Variants in ARHGAP15 observed in about 807,000 individuals in gnomAD.
The protein encoded by ARHGAP15 is rho GTPase-activating protein 15.
A neutral mutation model predicts 63.7 loss-of-function variants in ARHGAP15; 51 were observed. That is an observed-to-expected ratio of 0.80 (90% CI 0.64 to 1.01). The LOEUF (loss-of-function observed/expected upper bound fraction) is 1.01, where lower values mean the gene tolerates loss of function less well. Ranked by LOEUF, ARHGAP15 falls within the 50% of genes least tolerant of loss-of-function variation. ARHGAP15 has a pLI of 0.00. For missense variants in ARHGAP15, 560 were observed against 564.6 expected, an observed-to-expected ratio of 0.99 and a Z score of 0.08; for synonymous variants, 191 against 193.8, an observed-to-expected ratio of 0.99 and a Z score of 0.12.
chr2:143,617,051 A>G (rs1350369820), intron 11 of ARHGAP15, among the ~76,000 whole-genome samples: 1 of 152,216 alleles, frequency 6.6e-6, no homozygotes, highest in Non-Finnish European at 1.5e-5. Flanking sequence ...TCTGGAGACC[A>G]CACTGGAGAG....
intron 6 of ARHGAP15, among the ~76,000 whole-genome samples, chr2:143,282,187 C>T (rs1449123717): frequency 6.6e-6 from 1 of 151,836 alleles, no homozygotes; most frequent in African/African-American, 2.4e-5. Flanking sequence ...TTAATCTGCC[C>T]TCGTATGGAA....
At chr2:143,570,025 T>C (rs1696387508) in intron 11 of ARHGAP15, among the ~76,000 whole-genome samples, 1 of 152,162 alleles carries the variant, frequency 6.6e-6, no homozygotes, top group Non-Finnish European at 1.5e-5. Context: ...CCCAGGTCAA[T>C]TTTATTATCT....
At chr2:143,155,113 G>A (rs1690026021) in intron 1 of ARHGAP15, among the ~76,000 whole-genome samples, 1 of 151,920 alleles carries the variant, frequency 6.6e-6, no homozygotes, top group South Asian at 2.1e-4. Flanking sequence ...TAATAGACCA[G>A]TGAAGTTGTG....
chr2:143,732,126 A>G (rs563552032), intron 13 of ARHGAP15, among the ~76,000 whole-genome samples: 7 of 152,286 alleles, frequency 4.6e-5, no homozygotes, highest in African/African-American at 1.2e-4. Context: ...GCAAAAGGGA[A>G]AATAATAAGA....
intron 6 of ARHGAP15, among the ~76,000 whole-genome samples, chr2:143,288,456 G>A (rs1682223871): frequency 6.6e-6 from 1 of 151,986 alleles, no homozygotes; most frequent in Non-Finnish European, 1.5e-5. Context: ...AAAAAAAATA[G>A]TGTTGCACAA....
chr2:143,212,785 T>C (rs898537452), intron 3 of ARHGAP15, among the ~76,000 whole-genome samples: 3 of 152,344 alleles, frequency 2.0e-5, no homozygotes, highest in East Asian at 1.9e-4. Context: ...CTAATACTTC[T>C]TTCGGCACAC....
In ARHGAP15 at chr2:143,465,405, C is replaced by T. The variant is rs1026372082; in HGVS notation, c.704-21968C>T. Among the ~76,000 whole-genome samples, 27 of 152,100 alleles carry T rather than the reference C, an allele frequency of 1.8e-4. 1 individual carries two copies. The highest frequency in any genetic ancestry group is 1.5e-3 in the Admixed American group (23 of 15,256). The stretch of plus-strand genomic sequence containing the variant: ...AAGGGTCTGGCTATTAAGAATTGGA[C>T]CGTCCTTAAATCAGGGATTATTACT... On this transcript the variant is annotated intron_variant, in intron 8 of 13. Transcript: ENST00000295095.
At chr2:143,691,199 T>A (rs1683584996) in intron 12 of ARHGAP15, among the ~76,000 whole-genome samples, 1 of 152,068 alleles carries the variant, frequency 6.6e-6, no homozygotes, top group South Asian at 2.1e-4. Context: ...GAGGAAAAAA[T>A]TGGAGTCAAA....
intron 12 of ARHGAP15, among the ~76,000 whole-genome samples, chr2:143,670,090 G>A (rs1250012118): frequency 2.6e-5 from 4 of 152,148 alleles, no homozygotes; most frequent in Non-Finnish European, 5.9e-5. Flanking sequence ...GGCAGTCCAT[G>A]AATTACCATG....
chr2:143,709,170 C>A (rs1684463391), intron 13 of ARHGAP15, among the ~76,000 whole-genome samples: 1 of 152,126 alleles, frequency 6.6e-6, no homozygotes, highest in African/African-American at 2.4e-5. Flanking sequence ...TAAATAAAGT[C>A]TTTCCACAGA....
chr2:143,232,991 C>T (rs181383012), intron 5 of ARHGAP15, among the ~76,000 whole-genome samples: 7 of 152,244 alleles, frequency 4.6e-5, no homozygotes, highest in Admixed American at 4.6e-4. Context: ...TAGTACTTAT[C>T]AACAAATAAA....
intron 6 of ARHGAP15, among the ~76,000 whole-genome samples, chr2:143,336,205 C>T (rs994512105): frequency 3.3e-5 from 5 of 152,012 alleles, no homozygotes; most frequent in South Asian, 2.1e-4. Context: ...GACAAGATTT[C>T]GCCATGTTGC....
intron 11 of ARHGAP15, among the ~76,000 whole-genome samples, chr2:143,623,566 G>T (rs114898553): frequency 1.1e-4 from 16 of 152,220 alleles, no homozygotes; most frequent in African/African-American, 3.6e-4. Flanking sequence ...AGTAAGAAAA[G>T]AATTAATATC....
chr2:143,588,333 T>C (rs192471192), intron 11 of ARHGAP15, among the ~76,000 whole-genome samples: 4 of 152,334 alleles, frequency 2.6e-5, no homozygotes, highest in Admixed American at 6.5e-5. Context: ...CAATTTGCTT[T>C]TGTGAGTAGA....
At chr2:143,422,812 A>G (rs1448714076) in intron 6 of ARHGAP15, among the ~76,000 whole-genome samples, 1 of 152,068 alleles carries the variant, frequency 6.6e-6, no homozygotes, top group African/African-American at 2.4e-5. Flanking sequence ...AAAGGACACT[A>G]CCAGCCGAGA....
chr2:143,675,281 C>T (rs954787125), intron 12 of ARHGAP15, among the ~76,000 whole-genome samples: 2 of 152,158 alleles, frequency 1.3e-5, no homozygotes, highest in African/African-American at 4.8e-5. Flanking sequence ...ACAGTCACTT[C>T]CTCCACTGAA....
At chr2:143,309,108 G>A (rs561230364) in intron 6 of ARHGAP15, among the ~76,000 whole-genome samples, 21 of 152,056 alleles carry the variant, frequency 1.4e-4, no homozygotes, top group African/African-American at 4.1e-4. Flanking sequence ...AAATTAGAGC[G>A]TAATAAAAGA....
At chr2:143,230,588 C>T (rs1286187184) in intron 5 of ARHGAP15, among the ~76,000 whole-genome samples, 2 of 152,164 alleles carry the variant, frequency 1.3e-5, no homozygotes, top group Admixed American at 1.3e-4. Context: ...AAAGTCAATT[C>T]ATGGCAGGAA....
At chr2:143,351,383 A>G (rs905323652) in intron 6 of ARHGAP15, 1 of 152,248 alleles carries the variant, frequency 6.6e-6, no homozygotes, top group African/African-American at 2.4e-5. Context: ...GAAGACCTCA[A>G]AGCTGATTTT....
Sources: gnomAD v4.1 joint callset for allele counts (sites outside exome capture counted in the v4.1 genomes callset) on GRCh38, gnomAD v4.1.1 for gene constraint, MANE v1.5 for transcripts, NCBI Gene and HGNC (gene_info 2026-07-23, HGNC 2026-07-21) for gene names.